Variants in SPECC1L observed in about 807,000 individuals in gnomAD.
SPECC1L encodes sperm antigen with calponin homology and coiled-coil domains 1 like, also known as cytospin-A.
A neutral mutation model predicts 116.8 loss-of-function variants in SPECC1L; 40 were observed. The observed-to-expected ratio is 0.34, with a 90% confidence interval of 0.27 to 0.45. SPECC1L has a LOEUF of 0.45. Ranked by LOEUF, SPECC1L falls within the 20% of genes least tolerant of loss-of-function variation. The pLI, the probability that SPECC1L is intolerant of heterozygous loss-of-function variation, is 1.00. For synonymous variants in SPECC1L, 504 were observed against 500.6 expected (o/e 1.01, Z -0.09); for missense variants, 1,110 against 1,373.6 (o/e 0.81, Z 3.03).
chr22:24,358,775 G>A (rs1012091695), intron 11 of SPECC1L, among the ~76,000 whole-genome samples: 11 of 152,166 alleles, frequency 7.2e-5, no homozygotes, highest in African/African-American at 1.7e-4. Context: ...AATCACCAAA[G>A]CTTCTATTTT....
chr22:24,341,936 C>T (rs1410633596), intron 10 of SPECC1L, among the ~76,000 whole-genome samples: 4 of 152,164 alleles, frequency 2.6e-5, no homozygotes, highest in Non-Finnish European at 4.4e-5. Flanking sequence ...ATCTTCGATC[C>T]TCGAGATAAC....
chr22:24,312,565 T>C (rs2040483183), intron 3 of SPECC1L, among the ~76,000 whole-genome samples: 1 of 152,226 alleles, frequency 6.6e-6, no homozygotes, highest in Non-Finnish European at 1.5e-5. Flanking sequence ...TATCTTTAAC[T>C]GCTCTGTGTT....
Position 24,322,047 on chromosome 22 carries a change from T to A in SPECC1L, c.1067T>A (p.Leu356His), listed in dbSNP as rs1416621135. 6.2e-7 allele frequency: 1 copy of A among 1,614,120 alleles called. No individual in the cohort carries two copies. Among genetic ancestry groups the A allele is most frequent in the Admixed American group, 1.7e-5 (1 of 60,020 alleles). ...DSECSEVYQP[L>H]TSSDDALDAP... ...GAGTGCAGTGAGGTCTACCAGCCCC[T>A]CACATCGAGCGATGATGCGCTGGAT... is the stretch of plus-strand genomic sequence containing the variant. Residue 356 changes from leucine (L) to histidine (H), a missense_variant, in exon 5 of 17, where the codon CTC becomes CAC. Leu to His is a moderately conservative substitution (Grantham distance 99). This residue lies in a region of SPECC1L where 437 missense variants were observed against 482.6 expected (regional missense o/e 0.91). Coordinates refer to ENST00000314328, the MANE Select transcript of SPECC1L (RefSeq NM_015330.6).
intron 2 of SPECC1L, among the ~76,000 whole-genome samples, chr22:24,291,812 A>G (rs1246551002): frequency 6.6e-6 from 1 of 152,196 alleles, no homozygotes; most frequent in Non-Finnish European, 1.5e-5. Flanking sequence ...TTACCCAGGG[A>G]TATAGAAGGA....
At chr22:24,409,389 A>C (rs1038974077) in intron 14 of SPECC1L, among the ~76,000 whole-genome samples, 1 of 152,172 alleles carries the variant, frequency 6.6e-6, no homozygotes, top group Non-Finnish European at 1.5e-5. Context: ...GTCTGCATAA[A>C]GTGTGAATTA....
At chr22:24,355,540 A>G (rs992643032) in intron 11 of SPECC1L, among the ~76,000 whole-genome samples, 1 of 152,082 alleles carries the variant, frequency 6.6e-6, no homozygotes, top group Non-Finnish European at 1.5e-5. Flanking sequence ...CTGTAAGTTT[A>G]TACTCATACC....
intron 3 of SPECC1L, among the ~76,000 whole-genome samples, chr22:24,307,958 G>A (rs997950695): frequency 6.6e-6 from 1 of 151,854 alleles, no homozygotes; most frequent in Non-Finnish European, 1.5e-5. Context: ...CAGAAAAGCT[G>A]AAGGACTAGT....
At chr22:24,323,797 T>C (rs2040766942) in intron 5 of SPECC1L, among the ~76,000 whole-genome samples, 1 of 152,248 alleles carries the variant, frequency 6.6e-6, no homozygotes, top group South Asian at 2.1e-4. Context: ...TGTGAACTAA[T>C]ACTTTTGTAA....
chr22:24,347,281 C>A, intron 11 of SPECC1L, 105 bp downstream of exon 11: 1 of 828,174 alleles, frequency 1.2e-6, no homozygotes, highest in Non-Finnish European at 2.1e-6. Context: ...CTATTTCAAT[C>A]AATCTGGTAT....
At position 24,368,560 on chromosome 22, in the gene SPECC1L, C is replaced by T. The variant is rs971110118; in HGVS notation, c.2985-658C>T. Among the ~76,000 whole-genome samples, 2 of 152,214 alleles carry T rather than the reference C, an allele frequency of 1.3e-5. 1 individual carries two copies. Among genetic ancestry groups the T allele is most frequent in the Admixed American group, 1.3e-4 (2 of 15,286 alleles). ...GCGAGAACTATTATGCCTTAGAATC[C>T]TGCACCTTGCATAACCTTACCCTGT... On this transcript the variant is annotated intron_variant, in intron 13 of 16. Transcript: ENST00000314328.
At chr22:24,286,963 C>G (rs1445479718) in intron 2 of SPECC1L, among the ~76,000 whole-genome samples, 1 of 152,102 alleles carries the variant, frequency 6.6e-6, no homozygotes. Flanking sequence ...ATAGTGATGA[C>G]TTTTTTGGTC....
At chr22:24,403,140 T>G (rs979672665) in intron 14 of SPECC1L, among the ~76,000 whole-genome samples, 11 of 152,212 alleles carry the variant, frequency 7.2e-5, no homozygotes, top group African/African-American at 2.4e-4. Context: ...TAGTTGACAT[T>G]TCCTGGATGA....
chr22:24,279,538 A>G (rs1316683984), intron 2 of SPECC1L, among the ~76,000 whole-genome samples: 2 of 151,774 alleles, frequency 1.3e-5, no homozygotes, highest in African/African-American at 4.8e-5. Flanking sequence ...TTAACTTTGA[A>G]ATGAAGTTAG....
Position 24,321,936 on chromosome 22 carries a change from C to G in SPECC1L, c.956C>G (p.Pro319Arg). 6.2e-7 allele frequency: 1 copy of G among 1,614,228 alleles called. No individual in the cohort carries two copies. ...TLTSSVEGSA[P>R]GSVEDLLSQD... is the part of the protein sequence containing the mutation. ...ACTTCTTCAGTGGAAGGCTCTGCCC[C>G]TGGCTCAGTGGAGGATCTCTTGAGT... The change falls in exon 5 of 17, where the codon CCT (proline) becomes CGT (arginine). Residue 319 changes from proline to arginine, a missense_variant. Transcript: ENST00000314328.
At chr22:24,277,716 T>C (rs1243625986) in intron 2 of SPECC1L, among the ~76,000 whole-genome samples, 1 of 152,252 alleles carries the variant, frequency 6.6e-6, no homozygotes, top group Non-Finnish European at 1.5e-5. Context: ...ACTTCATTTC[T>C]TATATGCTGA....
At chr22:24,413,385 C>T (rs1413892016) in intron 16 of SPECC1L, among the ~76,000 whole-genome samples, 1 of 152,228 alleles carries the variant, frequency 6.6e-6, no homozygotes, top group Non-Finnish European at 1.5e-5. Flanking sequence ...CGCAGCCTCA[C>T]ATGGGACACA....
In SPECC1L at chr22:24,321,819, A is replaced by G. The variant is rs779539666; in HGVS notation, c.839A>G (p.Gln280Arg). 1.2e-6 allele frequency: 2 copies of G among 1,614,242 alleles called. No homozygotes were observed. Among genetic ancestry groups the G allele is most frequent in the Non-Finnish European group, 8.5e-7 (1 of 1,180,036 alleles). The change falls in exon 5 of 17, where the codon CAG becomes CGG. Residue 280 changes from glutamine to arginine, a missense_variant. Physicochemically the swap from Gln to Arg is conservative, Grantham distance 43. This residue lies in a region of SPECC1L where 437 missense variants were observed against 482.6 expected (regional missense o/e 0.91). Coordinates refer to ENST00000314328, the MANE Select transcript of SPECC1L (RefSeq NM_015330.6). ...RLNALGFSLEQRLDNSEKLFG... is the reference protein window; with the variant it reads ...RLNALGFSLERRLDNSEKLFG... ...AATGCATTGGGCTTTTCCCTAGAGC[A>G]GAGGTTAGACAATTCTGAAAAACTG... is the stretch of plus-strand genomic sequence containing the variant.
intron 10 of SPECC1L, among the ~76,000 whole-genome samples, chr22:24,345,054 C>T (rs1247820443): frequency 6.6e-6 from 1 of 152,020 alleles, no homozygotes; most frequent in African/African-American, 2.4e-5. Context: ...TGCAAGATCC[C>T]TGAATATTCA....
At chr22:24,382,704 C>CAAAAA (rs34174849) in intron 14 of SPECC1L, among the ~76,000 whole-genome samples, 2 of 59,644 alleles carry the variant, frequency 3.4e-5, no homozygotes, top group African/African-American at 6.7e-5. Flanking sequence ...GACTCCATCT[C>CAAAAA]AAAAAAAAAA....
Sources: allele counts gnomAD v4.1 joint callset (sites outside exome capture counted in the v4.1 genomes callset), GRCh38; gene constraint gnomAD v4.1.1; regional missense constraint gnomAD v4.1.1; transcripts MANE v1.5; gene names NCBI Gene and HGNC (gene_info 2026-07-23, HGNC 2026-07-21).